Variants in PGR observed in about 807,000 individuals in gnomAD.
PGR encodes the protein nuclear receptor subfamily 3 group C member 3.
PGR carries 25 observed loss-of-function variants against 76.1 expected under a neutral mutation model. The ratio of observed to expected loss-of-function variants is 0.33; its 90% CI spans 0.24 to 0.46. The LOEUF (loss-of-function observed/expected upper bound fraction) is 0.46, where lower values mean the gene tolerates loss of function less well. Among genes scored for constraint, PGR ranks in the 20% least tolerant of loss-of-function variants. PGR has a pLI of 1.00. For missense variants in PGR, 1,172 were observed against 1,225.3 expected (o/e 0.96, Z 0.65); for synonymous variants, 579 against 535.0 (o/e 1.08, Z -1.14).
Position 101,128,967 on chromosome 11 carries a change from G to C in PGR, c.104C>G (p.Pro35Arg). ...GTCCGAGGTCTGGCTCCCCGGGAAC[G>C]GACCTGCGGCTGGGCGACACAGCAG... ...SPLLCRPAAG[P>R]FPGSQTSDTL... is the part of the protein sequence containing the mutation. Residue 35 changes from proline (P) to arginine (R), a missense_variant, in exon 1 of 8, where the codon CCG (proline) becomes CGG (arginine). Pro to Arg is a moderately radical substitution (Grantham distance 103, BLOSUM62 -2). This residue lies in a region of PGR where 893 missense variants were observed against 785.9 expected (regional missense o/e 1.14). Coordinates refer to ENST00000325455, the MANE Select transcript of PGR (RefSeq NM_000926.4). 1 of 1,604,416 alleles carries C rather than the reference G, an allele frequency of 6.2e-7. No individual in the cohort carries two copies. The highest frequency in any genetic ancestry group is 8.5e-7 in the Non-Finnish European group (1 of 1,174,388).
At chr11:101,082,657 A>C (rs1466588325) in intron 3 of PGR, among the ~76,000 whole-genome samples, 1 of 152,214 alleles carries the variant, frequency 6.6e-6, no homozygotes, top group Non-Finnish European at 1.5e-5. Context: ...TGAAGCTTTG[A>C]ACTTGAGAGA....
At chr11:101,093,851 C>T (rs1379172278) in intron 2 of PGR, among the ~76,000 whole-genome samples, 1 of 152,190 alleles carries the variant, frequency 6.6e-6, no homozygotes, top group African/African-American at 2.4e-5. Flanking sequence ...GCTCCTTGGT[C>T]ATAAATACGC....
intron 2 of PGR, among the ~76,000 whole-genome samples, chr11:101,093,213 C>G (rs1265472859): frequency 6.6e-6 from 1 of 152,166 alleles, no homozygotes; most frequent in African/African-American, 2.4e-5. Context: ...TAAAGGGTAA[C>G]TGTGAAGCCT....
intron 2 of PGR, among the ~76,000 whole-genome samples, chr11:101,114,113 G>A (rs486992): frequency 0.57 from 85,913 of 151,962 alleles, 25,135 homozygotes; most frequent in Non-Finnish European, 0.64. Flanking sequence ...AATATTTTTA[G>A]TCTAATACTT....
chr11:101,041,975 T>C lies in PGR; in HGVS notation c.2616A>G (p.Gln872=). 1.9e-6 allele frequency: 3 copies of C among 1,613,528 alleles called. No homozygotes were observed. Among genetic ancestry groups the C allele is most frequent in the Non-Finnish European group, 2.5e-6 (3 of 1,179,632 alleles). The change falls in exon 7 of 8, where the codon CAA becomes CAG. Residue 872 remains glutamine, a synonymous_variant. Coordinates refer to ENST00000325455, the MANE Select transcript of PGR (RefSeq NM_000926.4). ...GCAAGTTATCAAGAAGTTTTGTAAG[T>C]TGATAGAAACGCTGTGAGCTCGACA... ...GVVSSSQRFY[Q]LTKLLDNLHD...
chr11:101,070,201 T>C (rs1860878763), intron 3 of PGR, among the ~76,000 whole-genome samples: 1 of 152,044 alleles, frequency 6.6e-6, no homozygotes, highest in African/African-American at 2.4e-5. Context: ...GGGCATTGCC[T>C]TACCCGGGAA....
chr11:101,091,953 T>C, intron 2 of PGR, 77 bp from the exon 3 acceptor site: 1 of 769,992 alleles, frequency 1.3e-6, no homozygotes, highest in South Asian at 1.4e-5. Flanking sequence ...ACAACTGAAA[T>C]AGAGACTAGA....
At chr11:101,046,271 A>C (rs7940695) in intron 6 of PGR, among the ~76,000 whole-genome samples, 39,223 of 135,164 alleles carry the variant, frequency 0.29, 5,746 homozygotes, top group African/African-American at 0.39. Flanking sequence ...GACTACAGGC[A>C]CTTGCCACTA....
At chr11:101,062,880 T>C in intron 3 of PGR, 128 bp from the exon 4 acceptor site, 1 of 653,848 alleles carries the variant, frequency 1.5e-6, no homozygotes, top group Non-Finnish European at 2.5e-6. Flanking sequence ...TGAAATAGAA[T>C]AAAAGTGTTA....
At position 101,039,248 on chromosome 11, in the gene PGR, G is replaced by A; in HGVS notation, c.2670C>T (p.Tyr890=). 1 of 1,610,942 alleles carries A rather than the reference G, an allele frequency of 6.2e-7. No individual in the cohort carries two copies. The highest frequency in any genetic ancestry group is 2.2e-5 in the East Asian group (1 of 44,712). The change falls in exon 8 of 8, where the codon TAC becomes TAT. Residue 890 remains tyrosine (Y), a synonymous_variant. Coordinates refer to ENST00000325455, the MANE Select transcript of PGR (RefSeq NM_000926.4). The stretch of plus-strand genomic sequence containing the variant: ...GGGACTGGATAAATGTATTCAAGCA[G>A]TACAGATGAAGTTGTTTGACAAGCT... ...LHDLVKQLHL[Y]CLNTFIQSRA...
chr11:101,043,524 T>C (rs1209168494), intron 6 of PGR, among the ~76,000 whole-genome samples: 1 of 152,202 alleles, frequency 6.6e-6, no homozygotes, highest in Non-Finnish European at 1.5e-5. Flanking sequence ...ATCACGAATG[T>C]TCTTAATGGC....
intron 2 of PGR, among the ~76,000 whole-genome samples, chr11:101,093,871 G>T (rs1254122427): frequency 1.3e-5 from 2 of 152,172 alleles, no homozygotes; most frequent in African/African-American, 4.8e-5. Context: ...CAGGAAAAAG[G>T]TCTGATCTAA....
intron 3 of PGR, among the ~76,000 whole-genome samples, chr11:101,084,508 A>C (rs1249921606): frequency 6.6e-6 from 1 of 152,088 alleles, no homozygotes; most frequent in Non-Finnish European, 1.5e-5. Flanking sequence ...AAATACAAAA[A>C]TTAGCCAGCC....
At chr11:101,125,101 C>T (rs1862798436) in intron 2 of PGR, among the ~76,000 whole-genome samples, 1 of 152,024 alleles carries the variant, frequency 6.6e-6, no homozygotes, top group South Asian at 2.1e-4. Context: ...GTGATCTCAG[C>T]ACTCCAGAGG....
At chr11:101,086,066 G>A (rs1289786828) in intron 3 of PGR, among the ~76,000 whole-genome samples, 1 of 152,160 alleles carries the variant, frequency 6.6e-6, no homozygotes, top group Non-Finnish European at 1.5e-5. Flanking sequence ...TCAAAAAATC[G>A]AGAAGGAAAG....
chr11:101,113,522 G>A (rs895818204), intron 2 of PGR, among the ~76,000 whole-genome samples: 3 of 151,424 alleles, frequency 2.0e-5, no homozygotes, highest in Admixed American at 1.3e-4. Flanking sequence ...TGCCCACCTC[G>A]GCCTTCCAGA....
In PGR at chr11:101,127,931, G is replaced by T. The variant is rs1441662508; in HGVS notation, c.1140C>A (p.Phe380Leu). ...KDDAYPLYSD[F>L]QPPALKIKEE... ...CCTTTATCTTTAGAGCGGGCGGCTG[G>T]AAGTCGCTATAGAGAGGGTACGCGT... Residue 380 changes from phenylalanine to leucine, a missense_variant, in exon 1 of 8, where the codon TTC becomes TTA. Coordinates refer to ENST00000325455, the MANE Select transcript of PGR (RefSeq NM_000926.4). The T allele has an allele frequency of 6.2e-7, 1 of 1,611,842 alleles. No homozygotes were observed. The highest frequency in any genetic ancestry group is 8.5e-7 in the Non-Finnish European group (1 of 1,179,822).
rs540129284 is a variant in PGR, at chr11:101,075,884, T to A, written c.1907-13132A>T. On this transcript the variant is annotated intron_variant, in intron 3 of 7. Coordinates refer to ENST00000325455, the MANE Select transcript of PGR (RefSeq NM_000926.4). ...CGCTGTTGGTGGCAGTGTAAATTAG[T>A]TCAACCATTGTAGAAGACAGTGTGG... Among the ~76,000 whole-genome samples, 6 of 152,300 alleles carry A rather than the reference T, an allele frequency of 3.9e-5. No individual in the cohort carries two copies. In the South Asian group the frequency reaches 1.2e-3, roughly 32 times the overall value.
intron 2 of PGR, among the ~76,000 whole-genome samples, chr11:101,118,196 A>G (rs1862568116): frequency 6.6e-6 from 1 of 152,252 alleles, no homozygotes; most frequent in Non-Finnish European, 1.5e-5. Flanking sequence ...ACTGTTGACT[A>G]ACTGAACAAA....
Sources: allele counts gnomAD v4.1 joint callset (sites outside exome capture counted in the v4.1 genomes callset), GRCh38; gene constraint gnomAD v4.1.1; regional missense constraint gnomAD v4.1.1; transcripts MANE v1.5; gene names NCBI Gene and HGNC (gene_info 2026-07-23, HGNC 2026-07-21).